Variants in LRPPRC observed in about 807,000 individuals in gnomAD.
LRPPRC encodes the protein leucine-rich PPR motif-containing protein, mitochondrial.
Under a neutral mutation model 180.3 loss-of-function variants are expected in LRPPRC, and 120 were observed. The ratio of observed to expected loss-of-function variants is 0.67; its 90% confidence interval spans 0.57 to 0.77. The LOEUF (loss-of-function observed/expected upper bound fraction) is 0.77, where lower values mean the gene tolerates loss of function less well. LRPPRC is among the 30% of genes least tolerant of loss of function. The probability of loss-of-function intolerance (pLI) is 0.00; values close to 1 mark genes in which losing one functional copy is unlikely to be tolerated. For missense variants in LRPPRC, 2,012 were observed against 1,657.2 expected, an observed-to-expected ratio of 1.21 and a Z score of -3.72; for synonymous variants, 723 against 600.0, an observed-to-expected ratio of 1.21 and a Z score of -3.00.
intron 27 of LRPPRC, among the ~76,000 whole-genome samples, chr2:43,920,420 G>A (rs923535049): frequency 6.6e-6 from 1 of 152,170 alleles, no homozygotes; most frequent in African/African-American, 2.4e-5. Context: ...ATAGGTGTGA[G>A]CCACCTTGCC....
intron 4 of LRPPRC, 29 bp downstream of exon 4, chr2:43,977,126 A>G (rs769333211): frequency 1.9e-6 from 3 of 1,610,980 alleles, no homozygotes; most frequent in Non-Finnish European, 2.5e-6. Flanking sequence ...GGTGGATGTG[A>G]AAATATATTC....
At chr2:43,963,766 CG>C in intron 11 of LRPPRC, 60 bp from the exon 12 acceptor site, 1 of 918,174 alleles carries the variant, frequency 1.1e-6, no homozygotes, top group Non-Finnish European at 1.8e-6. Flanking sequence ...AAGAAAAGAT[CG>C]GTAAGTTCAG....
At chr2:43,902,075 A>G (rs543169935) in intron 31 of LRPPRC, 2 of 156,388 alleles carry the variant, frequency 1.3e-5, no homozygotes, top group Admixed American at 1.3e-4. Context: ...TTCCTGCACT[A>G]AATTAAAAAA....
intron 6 of LRPPRC, among the ~76,000 whole-genome samples, chr2:43,975,688 C>T (rs773064159): frequency 4.0e-5 from 6 of 151,428 alleles, no homozygotes; most frequent in African/African-American, 1.2e-4. Flanking sequence ...GTTCAAGCAA[C>T]GCTCCTGCCT....
Position 43,946,130 on chromosome 2 carries a change from C to G in LRPPRC, c.2193G>C (p.Leu731Phe), listed in dbSNP as rs1672673123. ...CCRHDKVEDA[L>F]NLKEEFDRLD... ...GTACTCACAATTCTTCTTTCAAGTTCAAGGCATCTTCTACTTTATCATGTC... is the reference window on the plus strand; with the variant it reads ...GTACTCACAATTCTTCTTTCAAGTTGAAGGCATCTTCTACTTTATCATGTC... The change falls in exon 21 of 38, where the codon TTG (leucine) becomes TTC (phenylalanine). Residue 731 changes from leucine to phenylalanine, a missense_variant. By Grantham distance (22) the Leu-to-Phe change is conservative. Coordinates refer to ENST00000260665, the MANE Select transcript of LRPPRC (RefSeq NM_133259.4). 6 of 1,612,464 alleles carry G rather than the reference C, an allele frequency of 3.7e-6. No individual in the cohort carries two copies. The highest frequency in any genetic ancestry group is 1.3e-5 in the African/African-American group (1 of 74,860).
intron 12 of LRPPRC, among the ~76,000 whole-genome samples, chr2:43,962,129 T>G (rs926108241): frequency 6.6e-6 from 1 of 152,174 alleles, no homozygotes; most frequent in East Asian, 1.9e-4. Context: ...GTTTCCAAAT[T>G]AGATCTGCTG....
chr2:43,902,236 T>C (rs1670915736), intron 31 of LRPPRC: 1 of 152,228 alleles, frequency 6.6e-6, no homozygotes, highest in South Asian at 2.1e-4. Flanking sequence ...TTGTATGTTT[T>C]TTTGAAGTAT....
chr2:43,944,573 G>A (rs901948672), intron 22 of LRPPRC, among the ~76,000 whole-genome samples: 2 of 151,852 alleles, frequency 1.3e-5, no homozygotes, highest in African/African-American at 4.8e-5. Context: ...AGGCGTCCTA[G>A]GAAAACATTC....
At chr2:43,917,776 G>A (rs867587875) in intron 29 of LRPPRC, among the ~76,000 whole-genome samples, 2 of 152,020 alleles carry the variant, frequency 1.3e-5, no homozygotes, top group Non-Finnish European at 2.9e-5. Flanking sequence ...GCGACAGAGT[G>A]AGACTTCATC....
chr2:43,895,238 C>T (rs1375076854), intron 35 of LRPPRC, among the ~76,000 whole-genome samples: 1 of 152,176 alleles, frequency 6.6e-6, no homozygotes, highest in African/African-American at 2.4e-5. Flanking sequence ...CATCTATGCC[C>T]TCTTCCCATC....
intron 12 of LRPPRC, among the ~76,000 whole-genome samples, chr2:43,960,989 A>C (rs550489119): frequency 6.6e-6 from 1 of 152,300 alleles, no homozygotes; most frequent in South Asian, 2.1e-4. Context: ...ATTTAATGTA[A>C]TTTAACTCAT....
At chr2:43,916,070 T>G (rs1394581196) in intron 29 of LRPPRC, among the ~76,000 whole-genome samples, 1 of 152,198 alleles carries the variant, frequency 6.6e-6, no homozygotes, top group Admixed American at 6.5e-5. Context: ...TGGCCAAACC[T>G]TCTAGTTAAG....
Position 43,984,318 on chromosome 2 carries a change from C to G in LRPPRC, c.150-1884G>C, listed in dbSNP as rs184735828. Among the ~76,000 whole-genome samples the G allele has an allele frequency of 3.3e-5, 5 of 152,068 alleles. No homozygotes were observed. The South Asian group carries it at 8.3e-4, about 25-fold the overall frequency. ...CCAAAGTTTTTTACACAATGCAAAT[C>G]TGATAAACTGTTAAAGAGCAAAAAT... On this transcript the variant is annotated intron_variant, in intron 1 of 37. Transcript: ENST00000260665.
chr2:43,914,583 C>G (rs943585998), intron 29 of LRPPRC, among the ~76,000 whole-genome samples: 32 of 151,872 alleles, frequency 2.1e-4, no homozygotes, highest in African/African-American at 7.7e-4. Flanking sequence ...CAAAAATTAG[C>G]TAGGGGTGGT....
In LRPPRC at chr2:43,935,975, C is replaced by T. The variant is rs1023350791; in HGVS notation, c.2505-1097G>A. On this transcript the variant is annotated intron_variant, in intron 23 of 37. Coordinates refer to ENST00000260665, the MANE Select transcript of LRPPRC (RefSeq NM_133259.4). ...GCGCATGCCTGTAATCCCAGCTACT[C>T]GGGGGGCTGAGGAGGGAGAATCCCT... Among the ~76,000 whole-genome samples, 6 of 151,866 alleles carry T rather than the reference C, an allele frequency of 4.0e-5. No homozygotes were observed. The South Asian group carries it at 6.2e-4, about 16-fold the overall frequency.
At position 43,929,086 on chromosome 2, in the gene LRPPRC, G is replaced by GT. The variant is rs145211335; in HGVS notation, c.2737-3126dup. ...TTACAGTACTGCATTTTTTGATACC[G>GT]TAAGTTTATGACATCTTTTTACAAG... On this transcript the variant is annotated intron_variant, in intron 25 of 37. Coordinates refer to ENST00000260665, the MANE Select transcript of LRPPRC (RefSeq NM_133259.4). Among the ~76,000 whole-genome samples, 109 of 152,216 alleles carry GT rather than the reference G, an allele frequency of 7.2e-4. No individual in the cohort carries two copies. In the East Asian group the frequency reaches 0.014, roughly 20 times the overall value.
At chr2:43,986,528 T>C (rs1481755328) in intron 1 of LRPPRC, among the ~76,000 whole-genome samples, 1 of 152,152 alleles carries the variant, frequency 6.6e-6, no homozygotes, top group Non-Finnish European at 1.5e-5. Context: ...AGTTTAAAGG[T>C]AGATACAGGT....
At chr2:43,893,183 T>C (rs1670556607) in intron 36 of LRPPRC, among the ~76,000 whole-genome samples, 1 of 152,232 alleles carries the variant, frequency 6.6e-6, no homozygotes, top group Non-Finnish European at 1.5e-5. Flanking sequence ...AAGTGGTTTC[T>C]TGAGAAGGAA....
chr2:43,981,095 T>A (rs1464550817), intron 2 of LRPPRC, among the ~76,000 whole-genome samples: 5 of 152,160 alleles, frequency 3.3e-5, no homozygotes, highest in African/African-American at 7.2e-5. Context: ...TGCAAAATTA[T>A]GCATATGTTT....
Sources: allele counts gnomAD v4.1 joint callset (sites outside exome capture counted in the v4.1 genomes callset), GRCh38; gene constraint gnomAD v4.1.1; transcripts MANE v1.5; gene names NCBI Gene and HGNC (gene_info 2026-07-23, HGNC 2026-07-21).